MGST2: variants seen among roughly 807,000 people sequenced by gnomAD.
MGST2 encodes the protein microsomal glutathione S-transferase 2.
In MGST2, 9 loss-of-function variants were observed where a neutral mutation model predicts 16.6. The ratio of observed to expected loss-of-function variants is 0.54; its 90% confidence interval spans 0.33 to 0.95. The LOEUF (loss-of-function observed/expected upper bound fraction) is 0.95. Among genes scored for constraint, MGST2 ranks in the 40% least tolerant of loss-of-function variants. The probability of loss-of-function intolerance (pLI) is 0.03; values close to 1 mark genes in which losing one functional copy is unlikely to be tolerated. For missense variants in MGST2, 159 were observed against 175.1 expected, an observed-to-expected ratio of 0.91 and a Z score of 0.52; for synonymous variants, 79 against 68.0, an observed-to-expected ratio of 1.16 and a Z score of -0.79.
chr4:139,740,006 G>A (rs1460695318), intron 5 of MGST2, among the ~76,000 whole-genome samples: 1 of 152,130 alleles, frequency 6.6e-6, no homozygotes, highest in Non-Finnish European at 1.5e-5. Context: ...TTAAGTGGCA[G>A]GTCCCCTTTT....
At chr4:139,696,304 T>C (rs957840217) in intron 3 of MGST2, among the ~76,000 whole-genome samples, 1 of 152,202 alleles carries the variant, frequency 6.6e-6, no homozygotes, top group Non-Finnish European at 1.5e-5. Flanking sequence ...TTTGCTTTTT[T>C]TCTCTAAAAA....
chr4:139,751,175 G>A, the MGST2 span, among the ~76,000 whole-genome samples: 1 of 152,210 alleles, frequency 6.6e-6, no homozygotes, highest in Non-Finnish European at 1.5e-5. Context: ...CCATGTCCCT[G>A]TCTAAATATA....
chr4:139,713,246 A>G (rs1378533520), intron 5 of MGST2, among the ~76,000 whole-genome samples: 2 of 152,210 alleles, frequency 1.3e-5, no homozygotes, highest in Non-Finnish European at 2.9e-5. Context: ...AAACCATCAG[A>G]TAACACAATA....
At chr4:139,719,222 T>A (rs1728119770) in intron 5 of MGST2, 6 of 1,388,438 alleles carry the variant, frequency 4.3e-6, no homozygotes, top group Non-Finnish European at 4.8e-6. Context: ...TCAGTTTACG[T>A]GGGTCAAAAA....
chr4:139,731,827 G>C (rs1222442397), intron 5 of MGST2, among the ~76,000 whole-genome samples: 1 of 152,196 alleles, frequency 6.6e-6, no homozygotes, highest in African/African-American at 2.4e-5. Context: ...CGAAGTTTAT[G>C]CTCTGAGCTG....
At chr4:139,671,508 C>A (rs189510377) in intron 1 of MGST2, among the ~76,000 whole-genome samples, 2 of 152,018 alleles carry the variant, frequency 1.3e-5, no homozygotes, top group South Asian at 4.1e-4. Flanking sequence ...CTCTGTCGCC[C>A]GGGCTGGAGT....
intron 5 of MGST2, among the ~76,000 whole-genome samples, chr4:139,732,844 T>C (rs894594468): frequency 6.6e-6 from 1 of 152,230 alleles, no homozygotes; most frequent in Admixed American, 6.5e-5. Context: ...TTCTATTTTT[T>C]ATGTGTAAAT....
At chr4:139,671,563 G>A (rs528281307) in intron 1 of MGST2, among the ~76,000 whole-genome samples, 1 of 151,592 alleles carries the variant, frequency 6.6e-6, no homozygotes, top group Non-Finnish European at 1.5e-5. Flanking sequence ...GCCTCCCAAG[G>A]TCAAGCAATT....
chr4:139,703,561 A>G, intron 4 of MGST2, 25 bp downstream of exon 4: 3 of 1,599,014 alleles, frequency 1.9e-6, no homozygotes, highest in Non-Finnish European at 1.7e-6. Context: ...GTAATTTTGT[A>G]TTTATGCAAA....
chr4:139,702,870 T>TTTA (rs1410186751), intron 3 of MGST2, among the ~76,000 whole-genome samples: 2 of 134,880 alleles, frequency 1.5e-5, no homozygotes, highest in Non-Finnish European at 3.3e-5. Context: ...TTTTTTTTTT[T>TTTA]ACAATTTTAG....
At chr4:139,753,335 C>CT in the MGST2 span, among the ~76,000 whole-genome samples, 10 of 134,172 alleles carry the variant, frequency 7.5e-5, no homozygotes, top group East Asian at 1.6e-3. Context: ...TTTTTCTTTT[C>CT]TTTTTAATCT....
At chr4:139,717,056 T>C (rs906091713) in intron 5 of MGST2, 8 of 152,528 alleles carry the variant, frequency 5.2e-5, no homozygotes, top group African/African-American at 1.9e-4. Flanking sequence ...TATTTATATG[T>C]ATATTTTTTA....
chr4:139,679,988 T>C (rs977111514), intron 2 of MGST2, among the ~76,000 whole-genome samples: 1 of 152,192 alleles, frequency 6.6e-6, no homozygotes, highest in East Asian at 1.9e-4. Context: ...TCCTTGTCCC[T>C]ACCTCCCCTC....
At chr4:139,667,596 AC>A (rs2110777436) in intron 1 of MGST2, among the ~76,000 whole-genome samples, 1 of 152,234 alleles carries the variant, frequency 6.6e-6, no homozygotes, top group South Asian at 2.1e-4. Context: ...ACGGTGGCTC[AC>A]CCCTGTAATC....
At chr4:139,724,594 A>C (rs1199079277) in intron 5 of MGST2, among the ~76,000 whole-genome samples, 1 of 152,070 alleles carries the variant, frequency 6.6e-6, no homozygotes, top group East Asian at 1.9e-4. Flanking sequence ...CAGACACTTA[A>C]AGGAATAGGT....
downstream of MGST2, among the ~76,000 whole-genome samples, chr4:139,741,775 G>A (rs775465618): frequency 7.6e-4 from 115 of 152,036 alleles, no homozygotes; most frequent in Non-Finnish European, 6.8e-4. Flanking sequence ...TTATTAGATC[G>A]GGCTGCTCTA....
intron 5 of MGST2, among the ~76,000 whole-genome samples, chr4:139,728,765 C>T (rs1377087753): frequency 1.3e-5 from 2 of 152,158 alleles, no homozygotes; most frequent in African/African-American, 2.4e-5. Context: ...ATCATCTTGA[C>T]GTGTCTCTTC....
At chr4:139,666,191 T>TA (rs1310284903) in intron 1 of MGST2, 114 bp downstream of exon 1, 1 of 1,138,624 alleles carries the variant, frequency 8.8e-7, no homozygotes, top group Non-Finnish European at 1.3e-6. Flanking sequence ...TTTTGTTTCC[T>TA]ACTTGCCCTT....
intron 5 of MGST2, among the ~76,000 whole-genome samples, chr4:139,738,262 G>C (rs1729022531): frequency 6.6e-6 from 1 of 152,246 alleles, no homozygotes; most frequent in South Asian, 2.1e-4. Flanking sequence ...GTCATGGTCA[G>C]GCCAGGCATG....
Sources: gnomAD v4.1 joint callset for allele counts (sites outside exome capture counted in the v4.1 genomes callset) on GRCh38, gnomAD v4.1.1 for gene constraint, MANE v1.5 for transcripts, NCBI Gene and HGNC (gene_info 2026-07-23, HGNC 2026-07-21) for gene names.